The following VPS39 variants were observed in gnomAD, a reference collection of about 807,000 sequenced individuals.
The protein encoded by VPS39 is VPS39 subunit of HOPS complex.
In VPS39, 70 loss-of-function variants were observed where a neutral mutation model predicts 121.0. The observed-to-expected ratio is 0.58, with a 90% CI of 0.48 to 0.71. VPS39 has a LOEUF of 0.71. Ranked by LOEUF, VPS39 falls within the 30% of genes least tolerant of loss-of-function variation. The probability of loss-of-function intolerance (pLI) is 0.00; values close to 1 mark genes in which losing one functional copy is unlikely to be tolerated. For synonymous variants in VPS39, 378 were observed against 398.1 expected (o/e 0.95, Z 0.60); for missense variants, 818 against 1,051.5 (o/e 0.78, Z 3.07).
chr15:42,192,688 T>C (rs1480727059), intron 2 of VPS39, among the ~76,000 whole-genome samples: 1 of 151,796 alleles, frequency 6.6e-6, no homozygotes, highest in Non-Finnish European at 1.5e-5. Flanking sequence ...TTACATTTCA[T>C]GAGAAAAAAA....
At chr15:42,191,640 T>C (rs1235844922) in intron 2 of VPS39, 80 bp from the exon 3 acceptor site, 9 of 1,201,132 alleles carry the variant, frequency 7.5e-6, no homozygotes, top group Non-Finnish European at 1.1e-5. Context: ...TACTGCTCCA[T>C]ACTGCTCTCC....
chr15:42,205,434 G>A (rs1358174569), intron 1 of VPS39, among the ~76,000 whole-genome samples: 1 of 152,180 alleles, frequency 6.6e-6, no homozygotes, highest in Non-Finnish European at 1.5e-5. Flanking sequence ...ATATACAAAG[G>A]CAAGTGAGTG....
At chr15:42,182,796 G>C (rs755102816) in intron 8 of VPS39, among the ~76,000 whole-genome samples, 2 of 152,238 alleles carry the variant, frequency 1.3e-5, no homozygotes, top group Non-Finnish European at 2.9e-5. Context: ...ATGGTTTTGA[G>C]AAGCACTGAT....
At chr15:42,179,135 C>A (rs1301836190) in intron 8 of VPS39, 1 of 152,556 alleles carries the variant, frequency 6.6e-6, no homozygotes, top group African/African-American at 2.4e-5. Flanking sequence ...CCCCAAAGAA[C>A]TGGATAAAAG....
At chr15:42,173,984 A>C in intron 10 of VPS39, 132 bp from the exon 11 acceptor site, 1 of 1,038,618 alleles carries the variant, frequency 9.6e-7, no homozygotes, top group Non-Finnish European at 1.4e-6. Flanking sequence ...GCGGTGCCTC[A>C]CGCTTGTAAT....
At chr15:42,194,689 C>T (rs1031496129) in intron 2 of VPS39, among the ~76,000 whole-genome samples, 12 of 151,636 alleles carry the variant, frequency 7.9e-5, no homozygotes, top group South Asian at 2.1e-4. Context: ...GTCATGATTG[C>T]GCCACTGCAC....
chr15:42,163,579 G>T, intron 20 of VPS39, 47 bp downstream of exon 20: 1 of 1,567,140 alleles, frequency 6.4e-7, no homozygotes, highest in Non-Finnish European at 8.8e-7. Context: ...TCTCTGCAGG[G>T]CCTGCTTTTA....
intron 10 of VPS39, among the ~76,000 whole-genome samples, chr15:42,175,361 T>C (rs1398888559): frequency 6.7e-6 from 1 of 150,062 alleles, no homozygotes; most frequent in African/African-American, 2.5e-5. Context: ...CGAGCTGAGA[T>C]TGCACCACTG....
intron 8 of VPS39, among the ~76,000 whole-genome samples, chr15:42,183,935 C>T (rs668973): frequency 0.95 from 144,606 of 152,040 alleles, 69,016 homozygotes; most frequent in Non-Finnish European, 1. Context: ...TATATGCTTC[C>T]AGGCAATTCC....
At chr15:42,191,094 C>T (rs762655963) in intron 4 of VPS39, 31 bp downstream of exon 4, 1 of 1,610,994 alleles carries the variant, frequency 6.2e-7, no homozygotes, top group South Asian at 1.1e-5. Flanking sequence ...TCTTGTTAGA[C>T]ACAGGATACA....
chr15:42,190,766 T>C (rs1236875546), intron 4 of VPS39, among the ~76,000 whole-genome samples: 1 of 152,238 alleles, frequency 6.6e-6, no homozygotes, highest in East Asian at 1.9e-4. Context: ...ACTTACCACA[T>C]TGTATCGTGA....
chr15:42,178,170 A>G (rs751354502), intron 10 of VPS39, 48 bp downstream of exon 10: 13 of 1,607,646 alleles, frequency 8.1e-6, no homozygotes, highest in Admixed American at 5.1e-5. Flanking sequence ...CAAATCACCT[A>G]CTTTCAAGAA....
At chr15:42,181,903 A>G (rs993522595) in intron 8 of VPS39, among the ~76,000 whole-genome samples, 1 of 152,138 alleles carries the variant, frequency 6.6e-6, no homozygotes, top group Non-Finnish European at 1.5e-5. Context: ...TTGTAGAGAC[A>G]GGGTCTCACT....
At chr15:42,162,284 C>A in intron 22 of VPS39, 48 bp downstream of exon 22, 1 of 1,595,974 alleles carries the variant, frequency 6.3e-7, no homozygotes, top group South Asian at 1.1e-5. Context: ...TCTTCTCATT[C>A]GGTGCTCCCT....
chr15:42,164,768 C>T, intron 18 of VPS39: 1 of 1,429,558 alleles, frequency 7.0e-7, no homozygotes, highest in Non-Finnish European at 9.1e-7. Flanking sequence ...TCCTTCCACC[C>T]TCCCCGAGGG....
At chr15:42,191,924 C>T in intron 2 of VPS39, 2 of 972,832 alleles carry the variant, frequency 2.1e-6, no homozygotes, top group Admixed American at 2.5e-5. Context: ...GAGCCCAAGC[C>T]ATGAAACCCA....
chr15:42,183,106 GT>G (rs1319799073), intron 8 of VPS39, among the ~76,000 whole-genome samples: 11 of 112,678 alleles, frequency 9.8e-5, no homozygotes, highest in Admixed American at 3.9e-4. Flanking sequence ...TGTGTTTTTT[GT>G]TTTTTTTTTT....
intron 8 of VPS39, among the ~76,000 whole-genome samples, chr15:42,183,695 C>G (rs1239912242): frequency 6.6e-6 from 1 of 152,184 alleles, no homozygotes; most frequent in Non-Finnish European, 1.5e-5. Flanking sequence ...GAAACTTCTT[C>G]CTAATTAAAC....
rs1320395965 is a variant in VPS39, at chr15:42,187,282, A to C, written c.523T>G (p.Tyr175Asp). The part of the protein sequence containing the change: ...SICVGFKRDY[Y>D]LIRVDGKGSI... ...TAATAAGATTTTACCCTTATTAGGT[A>C]GTAGTCTCTCTTGAAACCCACACAG... Residue 175 changes from tyrosine (Y) to aspartate (D), a missense_variant, in exon 7 of 25, where the codon TAC (tyrosine) becomes GAC (aspartate). By Grantham distance (160) the Tyr-to-Asp change is radical (BLOSUM62 -3). Transcript: ENST00000318006. The C allele has an allele frequency of 6.2e-7, 1 of 1,609,966 alleles. No individual in the cohort carries two copies. Among genetic ancestry groups the C allele is most frequent in the African/African-American group, 1.3e-5 (1 of 74,654 alleles).
Sources: allele counts gnomAD v4.1 joint callset (sites outside exome capture counted in the v4.1 genomes callset), GRCh38; gene constraint gnomAD v4.1.1; transcripts MANE v1.5; gene names NCBI Gene and HGNC (gene_info 2026-07-23, HGNC 2026-07-21).